Variants in GGT6 observed in about 807,000 individuals in gnomAD.
GGT6 encodes the protein glutathione hydrolase 6.
GGT6 carries 13 observed loss-of-function variants against 17.0 expected under a neutral mutation model. The observed-to-expected ratio is 0.77, with a 90% CI of 0.50 to 1.22. The LOEUF is 1.22. Ranked by LOEUF, GGT6 falls within the 50% of genes most tolerant of loss-of-function variation. The pLI, the probability that GGT6 is intolerant of heterozygous loss-of-function variation, is 0.00. For synonymous variants in GGT6, 305 were observed against 297.9 expected, an observed-to-expected ratio of 1.02 and a Z score of -0.25; for missense variants, 628 against 643.7, an observed-to-expected ratio of 0.98 and a Z score of 0.26.
At position 4,558,820 on chromosome 17, in the gene GGT6, C is replaced by A; in HGVS notation, c.695G>T (p.Arg232Leu). The A allele has an allele frequency of 6.4e-7, 1 of 1,550,658 alleles. No homozygotes were observed. The highest frequency in any genetic ancestry group is 1.2e-5 in the South Asian group (1 of 83,874). Reference sequence around the variant, plus strand: ...TAGTGGACAGAGGCCTTCTGTGCCCCGAGCCACCAGAGCCCTTGCCAGGGG... The same window carrying A: ...TAGTGGACAGAGGCCTTCTGTGCCCAGAGCCACCAGAGCCCTTGCCAGGGG... The part of the protein sequence containing the change: ...DTPLARALVA[R>L]GTEGLCPLLC... Residue 232 changes from arginine to leucine, a missense_variant, in exon 4 of 4, where the codon CGG (arginine) becomes CTG (leucine). Physicochemically the swap from Arg to Leu is moderately radical, Grantham distance 102 (BLOSUM62 -2). Coordinates refer to ENST00000381550, the MANE Select transcript of GGT6 (RefSeq NM_001288702.2).
rs148373037 is a variant in GGT6, at chr17:4,560,408, G to A, written c.114C>T (p.Asn38=). ...TGGAAGAGTCCTGGTGCCTCCGGGG[G>A]TTTAGAACCAGCGCCTCTGATGTCT... ...EEETSEALVL[N]PRRHQDSSRN... Residue 38 remains asparagine, a synonymous_variant, in exon 1 of 4, where the codon AAC becomes AAT. Coordinates refer to ENST00000381550, the MANE Select transcript of GGT6 (RefSeq NM_001288702.2). 2.1e-5 allele frequency: 34 copies of A among 1,613,994 alleles called. No homozygotes were observed. In the Middle Eastern group the frequency reaches 8.2e-4, roughly 39 times the overall value.
chr17:4,558,671 T>C lies in GGT6; in HGVS notation c.844A>G (p.Ser282Gly). The C allele has an allele frequency of 1.2e-6, 2 of 1,601,706 alleles. No individual in the cohort carries two copies. Among genetic ancestry groups the C allele is most frequent in the Non-Finnish European group, 1.7e-6 (2 of 1,174,222 alleles). The change falls in exon 4 of 4, where the codon AGT (serine) becomes GGT (glycine). Residue 282 changes from serine to glycine, a missense_variant. By Grantham distance (56) the Ser-to-Gly change is moderately conservative. Coordinates refer to ENST00000381550, the MANE Select transcript of GGT6 (RefSeq NM_001288702.2). ...TSDLAGDALL[S>G]LLAGDLGVEV... ...ACCCCCAGGTCTCCCGCCAGTAGAC[T>C]CAGTAGAGCATCCCCAGCAAGGTCT...
Position 4,558,737 on chromosome 17 carries a change from G to A in GGT6, c.778C>T (p.Leu260=). The A allele has an allele frequency of 6.3e-7, 1 of 1,597,420 alleles. No individual in the cohort carries two copies. Among genetic ancestry groups the A allele is most frequent in the Non-Finnish European group, 8.5e-7 (1 of 1,173,282 alleles). ...GAGARATNPQ[L]AAVLRSAALA... ...GCTGCGCTGCGAAGCACAGCTGCCAGTTGTGGGTTGGTGGCTCGGGCCCCA... is the reference window on the plus strand; with the variant it reads ...GCTGCGCTGCGAAGCACAGCTGCCAATTGTGGGTTGGTGGCTCGGGCCCCA... The change falls in exon 4 of 4, where the codon CTG becomes TTG. Residue 260 remains leucine (L), a synonymous_variant. Transcript: ENST00000381550.
downstream of GGT6, among the ~76,000 whole-genome samples, chr17:4,556,156 A>T (rs1256115950): frequency 2.6e-5 from 4 of 152,224 alleles, no homozygotes; most frequent in Non-Finnish European, 4.4e-5. Flanking sequence ...GTCACTGGTG[A>T]GTTTAATGCA....
At chr17:4,560,326 G>A in intron 1 of GGT6, 56 bp downstream of exon 1, 2 of 1,606,194 alleles carry the variant, frequency 1.2e-6, no homozygotes, top group Non-Finnish European at 1.7e-6. Flanking sequence ...CCAGAGAGAG[G>A]GACTTGCCAA....
Position 4,559,573 on chromosome 17 carries a change from T to G in GGT6, c.328A>C (p.Ile110Leu). Residue 110 changes from isoleucine to leucine, a missense_variant, in exon 2 of 4, where the codon ATC becomes CTC. Transcript: ENST00000381550. Reference sequence around the variant, plus strand: ...ACTGACTGACCTGCAGGGCTGATGATGGCACCGTGGTGGTATACGCCAGGG... The same window carrying G: ...ACTGACTGACCTGCAGGGCTGATGAGGGCACCGTGGTGGTATACGCCAGGG... ...HGPGVYHHGA[I>L]ISPAATCSHL... is the part of the protein sequence containing the mutation. 1 of 1,613,694 alleles carries G rather than the reference T, an allele frequency of 6.2e-7. No homozygotes were observed. The highest frequency in any genetic ancestry group is 8.5e-7 in the Non-Finnish European group (1 of 1,179,974).
Position 4,559,765 on chromosome 17 carries a change from A to G in GGT6, c.141-5T>C. 1 of 1,610,180 alleles carries G rather than the reference A, an allele frequency of 6.2e-7. No homozygotes were observed. The highest frequency in any genetic ancestry group is 8.5e-7 in the Non-Finnish European group (1 of 1,179,488). ...GGCAGCCCGCCAGCCTTGTTCCTGC[A>G]GAGGGGGGGTGTCCTGAGCCACGGC... On this transcript the variant is annotated splice_region_variant and splice_polypyrimidine_tract_variant and intron_variant, in intron 1 of 3. Coordinates refer to ENST00000381550, the MANE Select transcript of GGT6 (RefSeq NM_001288702.2).
downstream of GGT6, among the ~76,000 whole-genome samples, chr17:4,556,726 A>G (rs1319754302): frequency 1.3e-5 from 2 of 152,190 alleles, no homozygotes; most frequent in African/African-American, 4.8e-5. Context: ...TGTCTGTTCT[A>G]GAAAGTGAAA....
chr17:4,559,906 T>A, intron 1 of GGT6, 146 bp from the exon 2 acceptor site: 1 of 704,538 alleles, frequency 1.4e-6, no homozygotes, highest in Non-Finnish European at 2.4e-6. Context: ...TGGCAGCGGG[T>A]GCATCTTGGG....
In GGT6 at chr17:4,558,955, G is replaced by C. The variant is rs1026247344; in HGVS notation, c.560C>G (p.Ala187Gly). The C allele has an allele frequency of 1.6e-5, 24 of 1,540,882 alleles. No individual in the cohort carries two copies. The highest frequency in any genetic ancestry group is 2.0e-5 in the Non-Finnish European group (23 of 1,143,748). Reference protein sequence around the residue: ...QTLAPGLGLPAALPTLHLLHA... With the variant: ...QTLAPGLGLPGALPTLHLLHA... The stretch of plus-strand genomic sequence containing the variant: ...CAGCAGGTGCAGGGTGGGCAGAGCC[G>C]CGGGCAGCCCCAGGCCGGGGGCCAG... Residue 187 changes from alanine (A) to glycine (G), a missense_variant, in exon 4 of 4, where the codon GCG becomes GGG. Transcript: ENST00000381550.
In GGT6 at chr17:4,557,111, T is replaced by C. The variant is rs1908206279; in HGVS notation, c.*904A>G. ...TTCCACTGTCCTCCTGAAAGCTGGATCTGAACTCAGTGCTAGCCCCAGGCC... is the reference window on the plus strand; with the variant it reads ...TTCCACTGTCCTCCTGAAAGCTGGACCTGAACTCAGTGCTAGCCCCAGGCC... On this transcript the variant is annotated 3_prime_UTR_variant, in exon 4 of 4. Coordinates refer to ENST00000381550, the MANE Select transcript of GGT6 (RefSeq NM_001288702.2). 6.6e-6 allele frequency: 1 copy of C among 152,232 alleles called. No individual in the cohort carries two copies. The highest frequency in any genetic ancestry group is 1.5e-5 in the Non-Finnish European group (1 of 68,072). 9.4% of individuals were successfully genotyped at this position (152,232 alleles called of 1,614,324 possible). A position where few individuals can be genotyped will look rare whatever the true frequency, so the allele number is the denominator to read the frequency against.
chr17:4,557,620 T>TTTA lies in GGT6; in HGVS notation c.*392_*394dup, dbSNP rs3054325. The TTTA allele has an allele frequency of 0.18, 27,666 of 151,638 alleles. 3,471 individuals are homozygous for TTTA. Among genetic ancestry groups the TTTA allele is most frequent in the East Asian group, 0.62 (3,151 of 5,078 alleles). 9.4% of individuals were successfully genotyped at this position (151,638 alleles called of 1,614,324 possible). A position where few individuals can be genotyped will look rare whatever the true frequency, so the allele number is the denominator to read the frequency against. ...ATGAGCCACCGCACCCAGCTATTTT[T>TTTA]TTATTATTATTATTATTATTTTAAA... is the stretch of plus-strand genomic sequence containing the variant. On this transcript the variant is annotated 3_prime_UTR_variant, in exon 4 of 4. Transcript: ENST00000381550.
Position 4,558,795 on chromosome 17 carries a change from T to C in GGT6, c.720A>G (p.Leu240=). The change falls in exon 4 of 4, where the codon CTA becomes CTG. Residue 240 remains leucine, a synonymous_variant. Coordinates refer to ENST00000381550, the MANE Select transcript of GGT6 (RefSeq NM_001288702.2). ...VARGTEGLCP[L]LCHADGTPLG... is the part of the protein sequence containing the mutation. ...GGGGTGTCCCATCAGCATGGCAAAGTAGTGGACAGAGGCCTTCTGTGCCCC... is the reference window on the plus strand; with the variant it reads ...GGGGTGTCCCATCAGCATGGCAAAGCAGTGGACAGAGGCCTTCTGTGCCCC... 2 of 1,558,714 alleles carry C rather than the reference T, an allele frequency of 1.3e-6. No homozygotes were observed. Among genetic ancestry groups the C allele is most frequent in the Non-Finnish European group, 1.7e-6 (2 of 1,151,346 alleles).
intron 1 of GGT6, 122 bp downstream of exon 1, chr17:4,560,260 C>T (rs979211363): frequency 1.3e-4 from 142 of 1,089,756 alleles, no homozygotes; most frequent in Non-Finnish European, 1.5e-4. Flanking sequence ...CCAAATTGAC[C>T]GTACAGTGCC....
rs1021327581 is a variant in GGT6 at position 4,559,599 on chromosome 17, C to T, written c.302G>A (p.Gly101Asp). The part of the protein sequence containing the change: ...VAPPPGGHSH[G>D]PGVYHHGAII... ...GGCACCGTGGTGGTATACGCCAGGG[C>T]CGTGGGAGTGTCCGCCGGGTGGAGG... is the stretch of plus-strand genomic sequence containing the variant. Residue 101 changes from glycine (G) to aspartate (D), a missense_variant, in exon 2 of 4, where the codon GGC becomes GAC. Coordinates refer to ENST00000381550, the MANE Select transcript of GGT6 (RefSeq NM_001288702.2). The T allele has an allele frequency of 1.2e-6, 2 of 1,613,858 alleles. No individual in the cohort carries two copies. Among genetic ancestry groups the T allele is most frequent in the African/African-American group, 2.7e-5 (2 of 75,062 alleles).
rs1343564621 is a variant in GGT6, at chr17:4,558,530, G to C, written c.985C>G (p.Leu329Val). The C allele has an allele frequency of 1.3e-6, 2 of 1,586,470 alleles. No individual in the cohort carries two copies. Among genetic ancestry groups the C allele is most frequent in the Non-Finnish European group, 1.7e-6 (2 of 1,166,306 alleles). ...CCGGAGCGCAGGGCTGCCTCCAACA[G>C]TGCCAGCAGTTCTGGGCCAGCTGAG... is the stretch of plus-strand genomic sequence containing the variant. ...SPSAGPELLA[L>V]LEAALRSGAP... The change falls in exon 4 of 4, where the codon CTG (leucine) becomes GTG (valine). Residue 329 changes from leucine to valine, a missense_variant. Leu to Val is a conservative substitution (Grantham distance 32). Coordinates refer to ENST00000381550, the MANE Select transcript of GGT6 (RefSeq NM_001288702.2).
rs545528349 is a variant in GGT6 at position 4,557,199 on chromosome 17, G to C, written c.*816C>G. On this transcript the variant is annotated 3_prime_UTR_variant, in exon 4 of 4. Transcript: ENST00000381550. ...GATAAAATAGCTAGAGATTCCATCC[G>C]GTGTGGGTGATCTGAAGAATGATTG... 1.3e-5 allele frequency: 2 copies of C among 152,176 alleles called. No homozygotes were observed. Among genetic ancestry groups the C allele is most frequent in the Non-Finnish European group, 2.9e-5 (2 of 68,048 alleles). The allele number at this position is 152,176 out of a possible 1,614,324, so 9.4% of individuals were successfully genotyped here.
At chr17:4,560,282 C>T in intron 1 of GGT6, 100 bp downstream of exon 1, 2 of 1,385,940 alleles carry the variant, frequency 1.4e-6, no homozygotes, top group South Asian at 2.5e-5. Context: ...GGAGCTAAAC[C>T]CAGCGGGGAG....
intron 3 of GGT6, 62 bp downstream of exon 3, chr17:4,559,281 A>T: frequency 7.3e-7 from 1 of 1,367,004 alleles, no homozygotes; most frequent in Admixed American, 2.0e-5. Context: ...TGACTCCCTA[A>T]GTTCCAGGTC....
Sources: allele counts gnomAD v4.1 joint callset (sites outside exome capture counted in the v4.1 genomes callset), GRCh38; gene constraint gnomAD v4.1.1; transcripts MANE v1.5; gene names NCBI Gene and HGNC (gene_info 2026-07-23, HGNC 2026-07-21).